The following PPARGC1A variants were observed in gnomAD, a reference collection of about 807,000 sequenced individuals.
PPARGC1A encodes the protein peroxisome proliferator-activated receptor gamma coactivator 1-alpha.
PPARGC1A carries 25 observed loss-of-function variants against 88.7 expected under a neutral mutation model. The observed-to-expected ratio is 0.28, with a 90% CI of 0.21 to 0.39. The LOEUF is 0.39. Among genes scored for constraint, PPARGC1A ranks in the 10% least tolerant of loss-of-function variants. The probability of loss-of-function intolerance (pLI) is 1.00; values close to 1 mark genes in which losing one functional copy is unlikely to be tolerated. For missense variants in PPARGC1A, 880 were observed against 968.7 expected (o/e 0.91, Z 1.22); for synonymous variants, 363 against 355.6 (o/e 1.02, Z -0.24).
the PPARGC1A span, among the ~76,000 whole-genome samples, chr4:24,185,832 G>A: frequency 7.8e-6 from 1 of 128,792 alleles, no homozygotes; most frequent in Non-Finnish European, 1.6e-5. Flanking sequence ...ATTCCCCAGC[G>A]CACCAGCATA....
At chr4:23,802,154 A>G in intron 11 of PPARGC1A, 70 bp downstream of exon 11, 3 of 1,601,356 alleles carry the variant, frequency 1.9e-6, no homozygotes, top group Non-Finnish European at 2.6e-6. Flanking sequence ...CTCCCATCCC[A>G]GTAATCTTAT....
At chr4:24,343,248 G>C in the PPARGC1A span, among the ~76,000 whole-genome samples, 2 of 152,202 alleles carry the variant, frequency 1.3e-5, no homozygotes, top group Non-Finnish European at 2.9e-5. Flanking sequence ...TGGTTGGAAT[G>C]TGTGTGTCCC....
At chr4:23,911,194 G>A in the PPARGC1A span, among the ~76,000 whole-genome samples, 1 of 152,032 alleles carries the variant, frequency 6.6e-6, no homozygotes, top group South Asian at 2.1e-4. Flanking sequence ...AGAAGCAGGT[G>A]TTAGCAGAAC....
chr4:24,211,565 A>G, the PPARGC1A span, among the ~76,000 whole-genome samples: 1 of 152,162 alleles, frequency 6.6e-6, no homozygotes, highest in Non-Finnish European at 1.5e-5. Context: ...AGAAAAGGTA[A>G]GTTGGACCCT....
chr4:24,469,831 C>T, the PPARGC1A span, among the ~76,000 whole-genome samples: 1 of 152,150 alleles, frequency 6.6e-6, no homozygotes, highest in African/African-American at 2.4e-5. Context: ...CTTTCCTTTA[C>T]TCCAAACCTG....
At chr4:24,024,023 G>T in the PPARGC1A span, among the ~76,000 whole-genome samples, 2 of 152,106 alleles carry the variant, frequency 1.3e-5, no homozygotes, top group Non-Finnish European at 2.9e-5. Flanking sequence ...GGCATGATTC[G>T]CTAGTTTTTG....
chr4:23,970,689 G>A, the PPARGC1A span, among the ~76,000 whole-genome samples: 1 of 152,106 alleles, frequency 6.6e-6, no homozygotes, highest in Non-Finnish European at 1.5e-5. Flanking sequence ...GAGTGTTTGT[G>A]TTACAAAATA....
At chr4:24,470,740 T>G in the PPARGC1A span, among the ~76,000 whole-genome samples, 1 of 151,166 alleles carries the variant, frequency 6.6e-6, no homozygotes, top group South Asian at 2.1e-4. This position sits in a 1 kb window ranked among gnomAD's most constrained non-coding sequence, Gnocchi z 5.8. Flanking sequence ...CCCGACGGTC[T>G]GCCCAGAGCT....
the PPARGC1A span, among the ~76,000 whole-genome samples, chr4:23,992,413 C>T: frequency 5.3e-5 from 8 of 152,022 alleles, no homozygotes; most frequent in African/African-American, 1.9e-4. Context: ...GCACTGTACA[C>T]ATGATCTCAT....
chr4:24,075,744 T>C, the PPARGC1A span, among the ~76,000 whole-genome samples: 1 of 152,144 alleles, frequency 6.6e-6, no homozygotes, highest in African/African-American at 2.4e-5. Flanking sequence ...GACGTGGCTT[T>C]TCTCCTCCTT....
the PPARGC1A span, among the ~76,000 whole-genome samples, chr4:24,452,565 T>TAG: frequency 1.3e-5 from 2 of 152,216 alleles, no homozygotes; most frequent in Non-Finnish European, 2.9e-5. Context: ...TTCACCACTC[T>TAG]TTTCTAAACT....
At chr4:23,923,289 A>G in the PPARGC1A span, among the ~76,000 whole-genome samples, 1 of 152,262 alleles carries the variant, frequency 6.6e-6, no homozygotes, top group Admixed American at 6.5e-5. Flanking sequence ...GCAGGTCAGC[A>G]GAGGTAACAG....
At chr4:23,812,314 T>A (rs1206459912) in intron 10 of PPARGC1A, among the ~76,000 whole-genome samples, 1 of 152,098 alleles carries the variant, frequency 6.6e-6, no homozygotes, top group African/African-American at 2.4e-5. Flanking sequence ...AGTCTCTTCA[T>A]GGACAATTTA....
the PPARGC1A span, among the ~76,000 whole-genome samples, chr4:24,209,396 A>G: frequency 6.6e-6 from 1 of 152,210 alleles, no homozygotes; most frequent in Admixed American, 6.5e-5. Context: ...TCCTCAGCAG[A>G]GGACATTTGG....
the PPARGC1A span, among the ~76,000 whole-genome samples, chr4:23,993,485 A>G: frequency 6.6e-6 from 1 of 152,182 alleles, no homozygotes; most frequent in Non-Finnish European, 1.5e-5. Context: ...AAACAAATTC[A>G]TATTTTCAAT....
intron 10 of PPARGC1A, among the ~76,000 whole-genome samples, chr4:23,812,314 T>C (rs1206459912): frequency 2.0e-5 from 3 of 152,098 alleles, no homozygotes; most frequent in Non-Finnish European, 4.4e-5. Flanking sequence ...AGTCTCTTCA[T>C]GGACAATTTA....
At position 23,889,991 on chromosome 4, in the gene PPARGC1A, A is replaced by C; in HGVS notation, c.-34T>G. ...TGAATGACGCCAGTCAAGCTTTTTC[A>C]ACTCCAATCCACAGTGACACAGAGC... is the stretch of plus-strand genomic sequence containing the variant. On this transcript the variant is annotated 5_prime_UTR_variant, in exon 1 of 13. Coordinates refer to ENST00000264867, the MANE Select transcript of PPARGC1A (RefSeq NM_013261.5). The C allele has an allele frequency of 6.2e-7, 1 of 1,613,222 alleles. No individual in the cohort carries two copies. The highest frequency in any genetic ancestry group is 8.5e-7 in the Non-Finnish European group (1 of 1,179,538).
chr4:24,408,610 T>C, the PPARGC1A span, among the ~76,000 whole-genome samples: 2 of 152,194 alleles, frequency 1.3e-5, no homozygotes, highest in African/African-American at 4.8e-5. Context: ...ATATTTCTTC[T>C]TGGGACCCAG....
Position 23,801,738 on chromosome 4 carries a change from G to A in PPARGC1A, c.2285C>T (p.Ala762Val), listed in dbSNP as rs1230778751. The A allele has an allele frequency of 1.2e-6, 2 of 1,613,920 alleles. No individual in the cohort carries two copies. The highest frequency in any genetic ancestry group is 1.7e-6 in the Non-Finnish European group (2 of 1,179,914). The change falls in exon 12 of 13, where the codon GCA becomes GTA. Residue 762 changes from alanine (A) to valine (V), a missense_variant. Transcript: ENST00000264867. ...GRKQFFKSNY[A>V]DLDSNSDDFD... ...TACAATAAAATCCATACCTAGGTCT[G>A]CATAGTTAGACTTGAAAAATTGCTT... is the stretch of plus-strand genomic sequence containing the variant.
Sources: allele counts gnomAD v4.1 joint callset (sites outside exome capture counted in the v4.1 genomes callset), GRCh38; gene constraint gnomAD v4.1.1; non-coding constraint Gnocchi (gnomAD v3.1); transcripts MANE v1.5; gene names NCBI Gene and HGNC (gene_info 2026-07-23, HGNC 2026-07-21).